The following BMAL2 variants were observed in gnomAD, a reference collection of about 807,000 sequenced individuals.
BMAL2 encodes basic helix-loop-helix ARNT like 2.
chr12:27,401,374 A>T, the BMAL2 span: 1 of 1,594,300 alleles, frequency 6.3e-7, no homozygotes, highest in Non-Finnish European at 8.6e-7. Context: ...GTAGGTATGC[A>T]TTGAGCAGAA....
At chr12:27,420,428 T>C in the BMAL2 span, 1 of 1,614,098 alleles carries the variant, frequency 6.2e-7, no homozygotes, top group Non-Finnish European at 8.5e-7. Flanking sequence ...CGATGCCCTA[T>C]GTGACAATGA....
At chr12:27,370,197 C>T in the BMAL2 span, 1 of 1,613,956 alleles carries the variant, frequency 6.2e-7, no homozygotes, top group Non-Finnish European at 8.5e-7. Context: ...CTTCTTTCAA[C>T]AAGGATAGAA....
the BMAL2 span, chr12:27,376,348 T>C: frequency 2.5e-6 from 4 of 1,613,544 alleles, no homozygotes; most frequent in Non-Finnish European, 3.4e-6. Context: ...TTTTGTAGAG[T>C]GGAAGATGGT....
the BMAL2 span, chr12:27,421,997 G>C: frequency 6.6e-6 from 1 of 152,032 alleles, no homozygotes; most frequent in African/African-American, 2.4e-5. Context: ...AAATTATGAG[G>C]CAATGAGAAA....
At chr12:27,336,125 G>C in the BMAL2 span, among the ~76,000 whole-genome samples, 4 of 152,184 alleles carry the variant, frequency 2.6e-5, no homozygotes, top group Admixed American at 6.5e-5. Flanking sequence ...CCACTTCTCT[G>C]CATTGACAAC....
At chr12:27,415,654 T>G in the BMAL2 span, among the ~76,000 whole-genome samples, 2 of 152,150 alleles carry the variant, frequency 1.3e-5, no homozygotes, top group Non-Finnish European at 2.9e-5. Context: ...ACCTCAGAGC[T>G]TTGTTTTTCT....
the BMAL2 span, chr12:27,403,605 C>A: frequency 2.9e-6 from 3 of 1,019,354 alleles, no homozygotes; most frequent in Middle Eastern, 2.5e-4. Context: ...AATCAATATA[C>A]AAAAATCAGT....
At chr12:27,420,479 G>A in the BMAL2 span, 1 of 1,613,706 alleles carries the variant, frequency 6.2e-7, no homozygotes, top group Non-Finnish European at 8.5e-7. Flanking sequence ...CTTAGAAGCA[G>A]AGGGGGGCCT....
chr12:27,383,975 C>T, the BMAL2 span, among the ~76,000 whole-genome samples: 1 of 152,142 alleles, frequency 6.6e-6, no homozygotes. Context: ...GTTTGGGCCA[C>T]AGATCCGTCC....
At chr12:27,418,749 G>A in the BMAL2 span, among the ~76,000 whole-genome samples, 1 of 152,124 alleles carries the variant, frequency 6.6e-6, no homozygotes, top group African/African-American at 2.4e-5. Flanking sequence ...GGAGGCCAAG[G>A]CAGGCGAATC....
chr12:27,387,228 A>G, the BMAL2 span: 1 of 1,603,554 alleles, frequency 6.2e-7, no homozygotes, highest in Non-Finnish European at 8.5e-7. Flanking sequence ...TAAATCCTAG[A>G]CTGCAGAAGG....
At chr12:27,420,685 G>C in the BMAL2 span, 1 of 897,898 alleles carries the variant, frequency 1.1e-6, no homozygotes, top group Non-Finnish European at 1.5e-6. Context: ...CCTGTCACAG[G>C]GATGTGGGGA....
At chr12:27,341,685 G>A in the BMAL2 span, among the ~76,000 whole-genome samples, 6,048 of 152,296 alleles carry the variant, frequency 0.04, 417 homozygotes, top group East Asian at 0.34. Flanking sequence ...TGCCCTTGAT[G>A]TGGGTACGTG....
chr12:27,380,904 T>C, the BMAL2 span, among the ~76,000 whole-genome samples: 3 of 151,926 alleles, frequency 2.0e-5, no homozygotes, highest in Non-Finnish European at 4.4e-5. Context: ...GAGGATCGCT[T>C]GAGCCTGGGA....
chr12:27,402,809 G>A, the BMAL2 span: 1 of 776,864 alleles, frequency 1.3e-6, no homozygotes, highest in East Asian at 2.9e-5. Flanking sequence ...TTGGGTTATA[G>A]GAATCCCAAC....
chr12:27,382,143 G>T, the BMAL2 span, among the ~76,000 whole-genome samples: 9 of 152,216 alleles, frequency 5.9e-5, no homozygotes, highest in East Asian at 1.7e-3. Context: ...CACAGCTGAG[G>T]CTTGCAATAT....
At chr12:27,367,428 G>A in the BMAL2 span, among the ~76,000 whole-genome samples, 1 of 152,138 alleles carries the variant, frequency 6.6e-6, no homozygotes, top group African/African-American at 2.4e-5. Context: ...TGAAACCACA[G>A]AAGGCAAAAC....
the BMAL2 span, among the ~76,000 whole-genome samples, chr12:27,378,391 A>G: frequency 6.6e-6 from 1 of 152,254 alleles, no homozygotes; most frequent in African/African-American, 2.4e-5. Flanking sequence ...AAAGCTTCCC[A>G]GAAGAATAAC....
chr12:27,345,200 G>A, the BMAL2 span, among the ~76,000 whole-genome samples: 3 of 152,180 alleles, frequency 2.0e-5, no homozygotes, highest in African/African-American at 7.2e-5. Context: ...GGTGCAAACT[G>A]CAACTGCTTC....
Sources: allele counts gnomAD v4.1 joint callset (sites outside exome capture counted in the v4.1 genomes callset), GRCh38; gene constraint gnomAD v4.1.1; transcripts MANE v1.5; gene names NCBI Gene and HGNC (gene_info 2026-07-23, HGNC 2026-07-21).